Variants in PDZD2 observed in about 807,000 individuals in gnomAD.
PDZD2 encodes PDZ domain containing 2.
PDZD2 carries 90 observed loss-of-function variants against 220.7 expected under a neutral mutation model. The observed-to-expected ratio is 0.41, with a 90% CI of 0.34 to 0.49. The LOEUF is 0.49. Ranked by LOEUF, PDZD2 falls within the 20% of genes least tolerant of loss-of-function variation. The pLI, the probability that PDZD2 is intolerant of heterozygous loss-of-function variation, is 0.28. For missense variants in PDZD2, 3,174 were observed against 3,608.5 expected, an observed-to-expected ratio of 0.88 and a Z score of 3.08; for synonymous variants, 1,375 against 1,450.5, an observed-to-expected ratio of 0.95 and a Z score of 1.18.
intron 2 of PDZD2, among the ~76,000 whole-genome samples, chr5:31,879,384 C>T (rs1394500342): frequency 8.5e-6 from 1 of 118,088 alleles, no homozygotes; most frequent in East Asian, 2.2e-4. Context: ...GAGACTCTGT[C>T]TCAAAAAGGA....
intron 2 of PDZD2, among the ~76,000 whole-genome samples, chr5:31,878,555 C>CCTTT (rs750266997): frequency 2.1e-5 from 1 of 48,196 alleles, no homozygotes; most frequent in African/African-American, 7.0e-5. Flanking sequence ...ATGACCTCGG[C>CCTTT]TTTTTTTTTT....
chr5:31,717,214 C>G (rs541577518), intron 1 of PDZD2, among the ~76,000 whole-genome samples: 2 of 152,188 alleles, frequency 1.3e-5, no homozygotes, highest in South Asian at 4.2e-4. Flanking sequence ...AGTCTAGACC[C>G]AGTGTGGTAT....
chr5:31,713,708 C>T (rs1308594918), intron 1 of PDZD2, among the ~76,000 whole-genome samples: 1 of 152,156 alleles, frequency 6.6e-6, no homozygotes, highest in Non-Finnish European at 1.5e-5. Flanking sequence ...CCACCACACA[C>T]AGCTAATTTT....
intron 6 of PDZD2, among the ~76,000 whole-genome samples, chr5:32,014,798 C>T (rs1301147112): frequency 6.7e-6 from 1 of 150,044 alleles, no homozygotes; most frequent in African/African-American, 2.5e-5. Context: ...TCACTGCAAC[C>T]TCCACCTCCA....
intron 1 of PDZD2, among the ~76,000 whole-genome samples, chr5:31,742,676 G>A (rs750735396): frequency 1.7e-4 from 26 of 152,136 alleles, no homozygotes; most frequent in Non-Finnish European, 3.5e-4. Flanking sequence ...GGCCAACCTA[G>A]TAAACTTGCA....
chr5:31,730,732 G>A (rs1749492442), intron 1 of PDZD2, among the ~76,000 whole-genome samples: 1 of 152,076 alleles, frequency 6.6e-6, no homozygotes, highest in Admixed American at 6.6e-5. Flanking sequence ...AAATGAGAAA[G>A]TCACCAGCTT....
At chr5:31,734,369 G>A (rs1301614027) in intron 1 of PDZD2, among the ~76,000 whole-genome samples, 1 of 152,098 alleles carries the variant, frequency 6.6e-6, no homozygotes, top group Non-Finnish European at 1.5e-5. Context: ...TCCCAGGCTG[G>A]AGTGCAGTGA....
At chr5:31,797,811 C>T (rs1754135603) in intron 1 of PDZD2, among the ~76,000 whole-genome samples, 1 of 152,188 alleles carries the variant, frequency 6.6e-6, no homozygotes, top group Admixed American at 6.5e-5. Flanking sequence ...TGGCTTCTGA[C>T]ACCTCTCCCA....
At chr5:31,749,567 G>A (rs551841183) in intron 1 of PDZD2, among the ~76,000 whole-genome samples, 2 of 152,216 alleles carry the variant, frequency 1.3e-5, no homozygotes, top group East Asian at 3.9e-4. Flanking sequence ...GGGATTACGG[G>A]CGCCCGCCAC....
Position 32,087,871 on chromosome 5 carries a change from G to A in PDZD2, c.4423G>A (p.Val1475Ile), listed in dbSNP as rs777108784. 1 of 1,612,422 alleles carries A rather than the reference G, an allele frequency of 6.2e-7. No homozygotes were observed. Among genetic ancestry groups the A allele is most frequent in the East Asian group, 2.2e-5 (1 of 44,830 alleles). Reference sequence around the variant, plus strand: ...TGGGAGCTCCTGCCGTGCCGAACCAGTCCCGGGGGGCCAGACCTCCTCCCC... The same window carrying A: ...TGGGAGCTCCTGCCGTGCCGAACCAATCCCGGGGGGCCAGACCTCCTCCCC... ...GGGSSCRAEP[V>I]PGGQTSSPRR... The change falls in exon 20 of 25, where the codon GTC (valine) becomes ATC (isoleucine). Residue 1475 changes from valine to isoleucine, a missense_variant. Coordinates refer to ENST00000438447, the MANE Select transcript of PDZD2 (RefSeq NM_178140.4). The surrounding 1 kb of genome is among the most constrained non-coding windows in gnomAD (Gnocchi z 4.0).
At chr5:31,900,537 C>T (rs1367307829) in intron 2 of PDZD2, among the ~76,000 whole-genome samples, 2 of 152,270 alleles carry the variant, frequency 1.3e-5, no homozygotes, top group African/African-American at 4.8e-5. Flanking sequence ...AAGGCTCCTG[C>T]AGGATCTGGC....
At chr5:32,039,260 C>G (rs938095822) in intron 7 of PDZD2, among the ~76,000 whole-genome samples, 12 of 151,004 alleles carry the variant, frequency 7.9e-5, no homozygotes, top group Non-Finnish European at 2.9e-5. Context: ...CACTGCGCCC[C>G]CACTCCTGAT....
In PDZD2 at chr5:32,083,122, T is replaced by C. The variant is rs1049117941; in HGVS notation, c.3683-4009T>C. 2.0e-5 allele frequency among the ~76,000 whole-genome samples: 3 copies of C among 152,054 alleles called. No individual in the cohort carries two copies. Among genetic ancestry groups the C allele is most frequent in the African/African-American group, 7.2e-5 (3 of 41,406 alleles). On this transcript the variant is annotated intron_variant, in intron 19 of 24. Transcript: ENST00000438447. This position sits in a 1 kb window ranked among gnomAD's most constrained non-coding sequence, Gnocchi z 4.1. ...TGAAAAACCTCTGTTAATATTTTGG[T>C]CTGTATCATTTGAGTCTTGTGCGTA... is the stretch of plus-strand genomic sequence containing the variant.
At chr5:31,757,297 C>A (rs1437456805) in intron 1 of PDZD2, among the ~76,000 whole-genome samples, 2 of 151,850 alleles carry the variant, frequency 1.3e-5, no homozygotes, top group Non-Finnish European at 2.9e-5. Context: ...TTAAAACAAA[C>A]AAACAAATAA....
At chr5:31,934,175 A>G (rs1388766479) in intron 2 of PDZD2, among the ~76,000 whole-genome samples, 1 of 151,832 alleles carries the variant, frequency 6.6e-6, no homozygotes, top group Non-Finnish European at 1.5e-5. Context: ...GTCACAGGCC[A>G]AGGCAATTTT....
chr5:31,932,646 T>C (rs914971758), intron 2 of PDZD2, among the ~76,000 whole-genome samples: 1 of 152,092 alleles, frequency 6.6e-6, no homozygotes, highest in South Asian at 2.1e-4. Context: ...AATTTAAATG[T>C]ATAGTTTTGT....
At chr5:32,076,595 TC>T (rs1319019739) in intron 18 of PDZD2, among the ~76,000 whole-genome samples, 5 of 152,214 alleles carry the variant, frequency 3.3e-5, no homozygotes, top group Non-Finnish European at 7.3e-5. Flanking sequence ...TGAGTTAAAT[TC>T]TGTTTTTATT....
intron 1 of PDZD2, among the ~76,000 whole-genome samples, chr5:31,776,618 ATTT>A (rs1209502268): frequency 2.1e-5 from 3 of 140,996 alleles, no homozygotes; most frequent in Non-Finnish European, 4.6e-5. Context: ...GCCTGGCCTT[ATTT>A]TTTATTTTAT....
intron 1 of PDZD2, among the ~76,000 whole-genome samples, chr5:31,652,241 C>T (rs1254528283): frequency 1.3e-5 from 2 of 152,042 alleles, no homozygotes; most frequent in Admixed American, 1.3e-4. Context: ...GATCCTTCCG[C>T]CTTGGCTTCC....
Sources: gnomAD v4.1 joint callset for allele counts (sites outside exome capture counted in the v4.1 genomes callset) on GRCh38, gnomAD v4.1.1 for gene constraint, Gnocchi (gnomAD v3.1) non-coding constraint, MANE v1.5 for transcripts, NCBI Gene and HGNC (gene_info 2026-07-23, HGNC 2026-07-21) for gene names.